Variants in ZC3H12B observed in about 807,000 individuals in gnomAD.
ZC3H12B encodes the protein zinc finger CCCH-type containing 12B.
Under a neutral mutation model 43.9 loss-of-function variants are expected in ZC3H12B, and 7 were observed. That is an observed-to-expected ratio of 0.16 (90% CI 0.09 to 0.30). The LOEUF is 0.30. ZC3H12B is among the 10% of genes least tolerant of loss of function. The probability of loss-of-function intolerance (pLI) is 1.00; values close to 1 mark genes in which losing one functional copy is unlikely to be tolerated. For missense variants in ZC3H12B, 475 were observed against 670.2 expected, an observed-to-expected ratio of 0.71 and a Z score of 3.22; for synonymous variants, 222 against 241.7, an observed-to-expected ratio of 0.92 and a Z score of 0.76.
chrX:65,447,609 AG>A lies in ZC3H12B; in HGVS notation n.408-41036del, dbSNP rs1255500243. ...TAAATGAAACCTAATTAAACTAAAAAGCTTCTTCACAGCAAAAGAAAGAATC... is the reference window on the plus strand; with the variant it reads ...TAAATGAAACCTAATTAAACTAAAAACTTCTTCACAGCAAAAGAAAGAATC... On this transcript the variant is annotated intron_variant and non_coding_transcript_variant, in intron 3 of 5. Transcript: ENST00000617377. Among the ~76,000 whole-genome samples, 3 of 112,180 alleles carry A rather than the reference AG, an allele frequency of 2.7e-5. No homozygotes were observed. The East Asian group carries it at 8.3e-4, about 31-fold the overall frequency.
At chrX:65,055,027 G>A in the ZC3H12B span, among the ~76,000 whole-genome samples, 2 of 111,706 alleles carry the variant, frequency 1.8e-5, no homozygotes, top group African/African-American at 6.5e-5. Context: ...CATGTCATCT[G>A]CAAACAGGGA....
chrX:65,231,635 C>T, the ZC3H12B span, among the ~76,000 whole-genome samples: 11 of 111,204 alleles, frequency 9.9e-5, no homozygotes, highest in African/African-American at 3.6e-4. Context: ...TCAGTGATAT[C>T]TCTCCTACTT....
chrX:65,307,162 T>G, the ZC3H12B span, among the ~76,000 whole-genome samples: 2 of 112,513 alleles, frequency 1.8e-5, no homozygotes, highest in African/African-American at 3.2e-5. Flanking sequence ...TTTATTGTTA[T>G]GTACTTATAT....
At chrX:65,173,026 A>C in the ZC3H12B span, among the ~76,000 whole-genome samples, 1 of 111,637 alleles carries the variant, frequency 9.0e-6, no homozygotes, top group Non-Finnish European at 1.9e-5. Flanking sequence ...AGTATGGCCA[A>C]TTTCACATTA....
At chrX:65,094,383 C>G in the ZC3H12B span, among the ~76,000 whole-genome samples, 6 of 109,871 alleles carry the variant, frequency 5.5e-5, no homozygotes, top group Non-Finnish European at 1.1e-4. Context: ...ACTGCAAAAC[C>G]TATAGAGGAA....
chrX:65,416,635 A>AT (rs1166874344), intron 3 of ZC3H12B, among the ~76,000 whole-genome samples: 1 of 109,098 alleles, frequency 9.2e-6, no homozygotes. Context: ...CAAAAAAAAA[A>AT]AAAAATTAGC....
At chrX:65,349,379 G>T in the ZC3H12B span, among the ~76,000 whole-genome samples, 2 of 111,978 alleles carry the variant, frequency 1.8e-5, no homozygotes, top group African/African-American at 3.2e-5. Context: ...GTAGAGGGAA[G>T]TTTATAGCAC....
At chrX:65,189,067 A>G in the ZC3H12B span, among the ~76,000 whole-genome samples, 5 of 100,892 alleles carry the variant, frequency 5.0e-5, no homozygotes, top group Non-Finnish European at 8.0e-5. Context: ...TGTTCTTGCG[A>G]TAGTTTACTG....
At chrX:65,278,860 G>T in the ZC3H12B span, among the ~76,000 whole-genome samples, 1 of 100,763 alleles carries the variant, frequency 9.9e-6, no homozygotes, top group Non-Finnish European at 2.0e-5. Flanking sequence ...GTTCATAAGC[G>T]CTTATTTAGC....
At chrX:65,098,328 C>T in the ZC3H12B span, among the ~76,000 whole-genome samples, 1 of 109,840 alleles carries the variant, frequency 9.1e-6, no homozygotes, top group African/African-American at 3.3e-5. Flanking sequence ...TAATAGGAAC[C>T]ACAAAGTAAT....
chrX:65,294,786 C>G, the ZC3H12B span, among the ~76,000 whole-genome samples: 1 of 111,044 alleles, frequency 9.0e-6, no homozygotes, highest in African/African-American at 3.3e-5. Flanking sequence ...AAGGACTTGT[C>G]CAACAGGAAA....
At chrX:65,035,398 C>G in the ZC3H12B span, among the ~76,000 whole-genome samples, 2 of 112,509 alleles carry the variant, frequency 1.8e-5, no homozygotes, top group African/African-American at 6.5e-5. Flanking sequence ...GCTCGCGGCT[C>G]TCTATTCCCT....
At chrX:65,239,869 A>AT in the ZC3H12B span, among the ~76,000 whole-genome samples, 3 of 110,085 alleles carry the variant, frequency 2.7e-5, no homozygotes, top group Non-Finnish European at 3.8e-5. Context: ...CTGGGTTGGA[A>AT]TTTTTTTTTC....
the ZC3H12B span, among the ~76,000 whole-genome samples, chrX:65,076,751 C>CT: frequency 9.2e-6 from 1 of 108,740 alleles, no homozygotes; most frequent in Non-Finnish European, 1.9e-5. Flanking sequence ...ACATTTGGTT[C>CT]TTTTTTAAAA....
In ZC3H12B at chrX:65,498,991, T is replaced by G. The variant is rs942030484; in HGVS notation, c.749-8T>G. On this transcript the variant is annotated splice_region_variant and splice_polypyrimidine_tract_variant and intron_variant, in intron 2 of 4. Coordinates refer to ENST00000338957, the Ensembl canonical transcript of ZC3H12B. ...TCTGCTCTGTGGCATATAATCATAT[T>G]TTGACAGATCAAGATATTCTACGAA... 8 of 1,166,939 alleles carry G rather than the reference T, an allele frequency of 6.9e-6. No individual in the cohort carries two copies. The highest frequency in any genetic ancestry group is 2.2e-5 in the Admixed American group (1 of 45,545).
the ZC3H12B span, among the ~76,000 whole-genome samples, chrX:65,132,068 A>G: frequency 1.5e-4 from 17 of 111,833 alleles, no homozygotes; most frequent in East Asian, 4.8e-3. Flanking sequence ...TGTCAGGGTC[A>G]GTCCAGGTAA....
intron 3 of ZC3H12B, among the ~76,000 whole-genome samples, chrX:65,435,648 A>AGATAGAT (rs528584839): frequency 1.4e-3 from 67 of 47,701 alleles, no homozygotes; most frequent in Admixed American, 0.012. Context: ...CCAATAGGAT[A>AGATAGAT]GATAGATAGA....
the ZC3H12B span, among the ~76,000 whole-genome samples, chrX:65,265,466 T>C: frequency 1.1e-4 from 12 of 112,103 alleles, no homozygotes; most frequent in Non-Finnish European, 2.3e-4. Flanking sequence ...TTTATACTAC[T>C]TCTCAGTAGG....
chrX:65,298,394 G>A, the ZC3H12B span, among the ~76,000 whole-genome samples: 4 of 112,101 alleles, frequency 3.6e-5, no homozygotes, highest in East Asian at 1.1e-3. Context: ...TGCAGTAAAA[G>A]AAGTGATTAG....
Sources: allele counts gnomAD v4.1 joint callset (sites outside exome capture counted in the v4.1 genomes callset), GRCh38; gene constraint gnomAD v4.1.1; transcripts MANE v1.5; gene names NCBI Gene and HGNC (gene_info 2026-07-23, HGNC 2026-07-21).